The following IFIT1 variants were observed in gnomAD, a reference collection of about 807,000 sequenced individuals.
The protein encoded by IFIT1 is antiviral innate immune response effector IFIT1.
IFIT1 carries 1 observed loss-of-function variant against 2.5 expected under a neutral mutation model. The ratio of observed to expected loss-of-function variants is 0.40; its 90% CI spans 0.14 to 1.92. IFIT1 has a LOEUF of 1.92. Ranked by LOEUF, IFIT1 falls within the 40% of genes most tolerant of loss-of-function variation. The pLI, the probability that IFIT1 is intolerant of heterozygous loss-of-function variation, is 0.31. For missense variants in IFIT1, 508 were observed against 557.8 expected (o/e 0.91, Z 0.90); for synonymous variants, 191 against 201.7 (o/e 0.95, Z 0.45).
chr10:89,395,035 C>T (rs1413424635), intron 1 of IFIT1, among the ~76,000 whole-genome samples: 2 of 152,138 alleles, frequency 1.3e-5, no homozygotes, highest in Non-Finnish European at 2.9e-5. Context: ...AGGGCTCAGT[C>T]ACCCTTGAGA....
chr10:89,392,680 C>T lies in IFIT1; in HGVS notation c.-33C>T. 6.2e-7 allele frequency: 1 copy of T among 1,613,712 alleles called. No individual in the cohort carries two copies. Among genetic ancestry groups the T allele is most frequent in the Non-Finnish European group, 8.5e-7 (1 of 1,179,656 alleles). ...CTCAGAGGAGCCTGGCTAAGCAAAA[C>T]CCTGCAGAACGGCTGCCTAATTTAC... is the stretch of plus-strand genomic sequence containing the variant. On this transcript the variant is annotated 5_prime_UTR_variant, in exon 1 of 2. Coordinates refer to ENST00000371804, the MANE Select transcript of IFIT1 (RefSeq NM_001548.5).
intron 1 of IFIT1, chr10:89,393,403 A>G (rs1589632509): frequency 1.2e-6 from 1 of 816,802 alleles, no homozygotes; most frequent in East Asian, 6.5e-5. Flanking sequence ...TCCTTACCTA[A>G]AGGGCCTAAT....
rs780785978 is a variant in IFIT1 at position 89,404,136 on chromosome 10, A to G, written c.*424A>G. 6.5e-6 allele frequency: 1 copy of G among 154,246 alleles called. No homozygotes were observed. Among genetic ancestry groups the G allele is most frequent in the Non-Finnish European group, 1.4e-5 (1 of 69,594 alleles). The allele number at this position is 154,246 out of a possible 1,614,324, so 9.6% of individuals were successfully genotyped here. A position where few individuals can be genotyped will look rare whatever the true frequency, so the allele number is the denominator to read the frequency against. ...CAAGATGAGAGATCATTCACACCTC[A>G]TTATATTCCCTCCCTTGCTAACTGC... On this transcript the variant is annotated 3_prime_UTR_variant, in exon 2 of 2. Coordinates refer to ENST00000371804, the MANE Select transcript of IFIT1 (RefSeq NM_001548.5).
intron 1 of IFIT1, among the ~76,000 whole-genome samples, chr10:89,394,628 A>ATATATATATATATATATAT (rs1491430146): frequency 7.1e-5 from 2 of 28,150 alleles, no homozygotes; most frequent in African/African-American, 5.6e-4. Context: ...ATATATATAT[A>ATATATATATATATATATAT]AAACTTGAAT....
intron 1 of IFIT1, among the ~76,000 whole-genome samples, chr10:89,395,479 AT>A (rs1016859192): frequency 6.6e-6 from 1 of 151,790 alleles, no homozygotes; most frequent in Non-Finnish European, 1.5e-5. Context: ...TTCACATACT[AT>A]TTTTTTCAAT....
At position 89,405,779 on chromosome 10, in the gene IFIT1, T is replaced by C. The variant is rs1844520014; in HGVS notation, c.*2067T>C. ...GGACGCACCAGGTCCACCTGCATAATCCAGAATAATTGCCCCATCCGCAAA... is the reference window on the plus strand; with the variant it reads ...GGACGCACCAGGTCCACCTGCATAACCCAGAATAATTGCCCCATCCGCAAA... On this transcript the variant is annotated 3_prime_UTR_variant, in exon 2 of 2. Transcript: ENST00000371804. 6.6e-6 allele frequency: 1 copy of C among 152,190 alleles called. No homozygotes were observed. The highest frequency in any genetic ancestry group is 1.5e-5 in the Non-Finnish European group (1 of 68,040). 9.4% of individuals were successfully genotyped at this position (152,190 alleles called of 1,614,324 possible).
chr10:89,392,710 A>T lies in IFIT1; in HGVS notation c.-3A>T. The T allele has an allele frequency of 6.2e-7, 1 of 1,614,134 alleles. No homozygotes were observed. Among genetic ancestry groups the T allele is most frequent in the South Asian group, 1.1e-5 (1 of 91,082 alleles). On this transcript the variant is annotated 5_prime_UTR_variant, in exon 1 of 2. Transcript: ENST00000371804. The stretch of plus-strand genomic sequence containing the variant: ...CAGAACGGCTGCCTAATTTACAGCA[A>T]CCATGAGGTAAGGATTTCTTTGCTC...
Position 89,402,266 on chromosome 10 carries a change from T to C in IFIT1, c.6-15T>C, listed in dbSNP as rs374574098. 18 of 1,541,290 alleles carry C rather than the reference T, an allele frequency of 1.2e-5. No homozygotes were observed. The Admixed American group carries it at 1.4e-4, about 12-fold the overall frequency. On this transcript the variant is annotated splice_polypyrimidine_tract_variant and intron_variant, in intron 1 of 1. Transcript: ENST00000371804. ...TTCCTCACCTAACAAAGAAAATCTG[T>C]TTTTGTTTTTACAGTACAAATGGTG...
At chr10:89,395,141 C>A (rs1844322286) in intron 1 of IFIT1, among the ~76,000 whole-genome samples, 1 of 152,104 alleles carries the variant, frequency 6.6e-6, no homozygotes, top group South Asian at 2.1e-4. Context: ...TTCCCTATAG[C>A]ATAGCAGGGT....
At chr10:89,398,694 A>G (rs971733535) in intron 1 of IFIT1, among the ~76,000 whole-genome samples, 2 of 152,208 alleles carry the variant, frequency 1.3e-5, no homozygotes, top group African/African-American at 4.8e-5. Flanking sequence ...CCATGTTGTA[A>G]CATGTATCAG....
Position 89,403,143 on chromosome 10 carries a change from C to A in IFIT1, c.868C>A (p.Gln290Lys). 2.5e-6 allele frequency: 4 copies of A among 1,613,974 alleles called. No homozygotes were observed. Among genetic ancestry groups the A allele is most frequent in the Non-Finnish European group, 3.4e-6 (4 of 1,179,944 alleles). ...ETPTSVLLHH[Q>K]IGLCYKAQMI... ...ACCCACTTCTGTCTTACTGCATCAC[C>A]AGATAGGGCTTTGCTACAAGGCACA... is the stretch of plus-strand genomic sequence containing the variant. Residue 290 changes from glutamine (Q) to lysine (K), a missense_variant, in exon 2 of 2, where the codon CAG becomes AAG. Transcript: ENST00000371804.
At chr10:89,392,738 C>T in intron 1 of IFIT1, 21 bp downstream of exon 1, 1 of 1,613,228 alleles carries the variant, frequency 6.2e-7, no homozygotes, top group Non-Finnish European at 8.5e-7. Context: ...CTTTGCTCCT[C>T]TGCCATAATG....
intron 1 of IFIT1, among the ~76,000 whole-genome samples, chr10:89,398,555 G>C (rs964754993): frequency 6.6e-6 from 1 of 152,132 alleles, no homozygotes; most frequent in African/African-American, 2.4e-5. Context: ...CCTAGTCCCT[G>C]TTAATCACTA....
In IFIT1 at chr10:89,403,743, A is replaced by C; in HGVS notation, c.*31A>C. 2 of 1,167,634 alleles carry C rather than the reference A, an allele frequency of 1.7e-6. No homozygotes were observed. Among genetic ancestry groups the C allele is most frequent in the South Asian group, 1.4e-5 (1 of 69,298 alleles). 72.3% of individuals were successfully genotyped at this position (1,167,634 alleles called of 1,614,324 possible). On this transcript the variant is annotated 3_prime_UTR_variant, in exon 2 of 2. Transcript: ENST00000371804. ...CAGATATCAGCCACTTTCACATTTC[A>C]TTTCATTTTATGCTAACATTTACTA...
rs1354253020 is a variant in IFIT1 at position 89,405,546 on chromosome 10, A to T, written c.*1834A>T. ...ACAGTTCTGGAGGTCAGAAGTCTGA[A>T]ATGGGTTTCAATGAGCCAAAGTCAA... is the stretch of plus-strand genomic sequence containing the variant. On this transcript the variant is annotated 3_prime_UTR_variant, in exon 2 of 2. Coordinates refer to ENST00000371804, the MANE Select transcript of IFIT1 (RefSeq NM_001548.5). 6.6e-6 allele frequency: 1 copy of T among 152,220 alleles called. No individual in the cohort carries two copies. The highest frequency in any genetic ancestry group is 1.5e-5 in the Non-Finnish European group (1 of 68,042). The allele number at this position is 152,220 out of a possible 1,614,324, so 9.4% of individuals were successfully genotyped here.
Position 89,397,287 on chromosome 10 carries a change from T to C in IFIT1, c.5+4570T>C, listed in dbSNP as rs186157985. On this transcript the variant is annotated intron_variant, in intron 1 of 1. Coordinates refer to ENST00000371804, the MANE Select transcript of IFIT1 (RefSeq NM_001548.5). Reference sequence around the variant, plus strand: ...TTTCTGGGAGATAGATTCTGAGGAGTGGAATTACTTTGTTGAAGGAAATGT... The same window carrying C: ...TTTCTGGGAGATAGATTCTGAGGAGCGGAATTACTTTGTTGAAGGAAATGT... Among the ~76,000 whole-genome samples, 33 of 151,162 alleles carry C rather than the reference T, an allele frequency of 2.2e-4. 1 individual carries two copies. The highest frequency in any genetic ancestry group is 1.3e-3 in the Admixed American group (20 of 15,222).
In IFIT1 at chr10:89,396,947, T is replaced by C. The variant is rs190365328; in HGVS notation, c.5+4230T>C. Reference sequence around the variant, plus strand: ...GTTGCTTATCTTTTTGTTGATGAGCTGTAAATATACTTACATATATTTCTC... The same window carrying C: ...GTTGCTTATCTTTTTGTTGATGAGCCGTAAATATACTTACATATATTTCTC... On this transcript the variant is annotated intron_variant, in intron 1 of 1. Coordinates refer to ENST00000371804, the MANE Select transcript of IFIT1 (RefSeq NM_001548.5). 2.1e-3 allele frequency among the ~76,000 whole-genome samples: 313 copies of C among 152,346 alleles called. 2 individuals are homozygous for C. In the Middle Eastern group the frequency reaches 0.037, roughly 18 times the overall value.
chr10:89,393,429 C>A, intron 1 of IFIT1: 4 of 667,440 alleles, frequency 6.0e-6, no homozygotes, highest in Non-Finnish European at 6.4e-6. Flanking sequence ...AATTTCTCAG[C>A]TGATTTAAAA....
intron 1 of IFIT1, among the ~76,000 whole-genome samples, chr10:89,396,527 C>A (rs908896071): frequency 2.6e-5 from 4 of 152,124 alleles, no homozygotes; most frequent in African/African-American, 9.7e-5. Flanking sequence ...TCCATTCCCC[C>A]AAGAACCAAT....
Sources: allele counts gnomAD v4.1 joint callset (sites outside exome capture counted in the v4.1 genomes callset), GRCh38; gene constraint gnomAD v4.1.1; transcripts MANE v1.5; gene names NCBI Gene and HGNC (gene_info 2026-07-23, HGNC 2026-07-21).